The following RORB variants were observed in gnomAD, a reference collection of about 807,000 sequenced individuals.
The protein encoded by RORB is nuclear receptor ROR-beta.
RORB carries 6 observed loss-of-function variants against 59.1 expected under a neutral mutation model. The observed-to-expected ratio is 0.10, with a 90% confidence interval of 0.06 to 0.20. The LOEUF is 0.20. RORB is among the 10% of genes least tolerant of loss of function. The probability of loss-of-function intolerance (pLI) is 1.00; values close to 1 mark genes in which losing one functional copy is unlikely to be tolerated. For synonymous variants in RORB, 215 were observed against 204.5 expected (o/e 1.05, Z -0.44); for missense variants, 320 against 560.5 (o/e 0.57, Z 4.33).
chr9:74,630,498 C>T, intron 2 of RORB, 131 bp downstream of exon 2: 1 of 418,638 alleles, frequency 2.4e-6, no homozygotes, highest in Non-Finnish European at 4.3e-6. Context: ...TTCAGGAATT[C>T]TTGCGTGGTG....
intron 1 of RORB, among the ~76,000 whole-genome samples, chr9:74,550,856 T>G (rs549501392): frequency 6.6e-6 from 1 of 152,322 alleles, no homozygotes; most frequent in African/African-American, 2.4e-5. Flanking sequence ...CCAGTCCAAA[T>G]TGACATGTTC....
chr9:74,530,371 C>T (rs1159043318), intron 1 of RORB, among the ~76,000 whole-genome samples: 1 of 151,996 alleles, frequency 6.6e-6, no homozygotes, highest in East Asian at 1.9e-4. Flanking sequence ...AAAGGTGACA[C>T]TGGTCATGTT....
chr9:74,519,855 C>A (rs1826058439), intron 1 of RORB, among the ~76,000 whole-genome samples: 1 of 151,994 alleles, frequency 6.6e-6, no homozygotes, highest in African/African-American at 2.4e-5. Context: ...ACATGCCTGA[C>A]AAGCTGTGCC....
intron 1 of RORB, among the ~76,000 whole-genome samples, chr9:74,520,972 A>C (rs148130809): frequency 6.6e-6 from 1 of 151,894 alleles, no homozygotes; most frequent in Non-Finnish European, 1.5e-5. Flanking sequence ...AATCATCTTC[A>C]TGTGGCTAAC....
rs1052189641 is a variant in RORB, at chr9:74,667,972, C to T, written c.1111+71C>T. On this transcript the variant is annotated intron_variant, in intron 8 of 9. Coordinates refer to ENST00000376896, the MANE Select transcript of RORB (RefSeq NM_006914.4). ...CTATTTTTAACACTGATGACACCTG[C>T]CTAAGCCAAAGTGTTCAGGAGAAAC... The T allele has an allele frequency of 1.8e-5, 16 of 908,948 alleles. No individual in the cohort carries two copies. In the Admixed American group the frequency reaches 2.6e-4, roughly 15 times the overall value. The allele number at this position is 908,948 out of a possible 1,614,324, so 56.3% of individuals were successfully genotyped here.
intron 1 of RORB, among the ~76,000 whole-genome samples, chr9:74,567,977 A>G (rs1338990646): frequency 6.6e-6 from 1 of 152,214 alleles, no homozygotes; most frequent in African/African-American, 2.4e-5. Flanking sequence ...TAGCAACTCA[A>G]GAGGCTTTAT....
In RORB at chr9:74,642,936, A is replaced by G. The variant is rs1445198420; in HGVS notation, c.637+121A>G. 7.8e-6 allele frequency: 5 copies of G among 639,354 alleles called. No individual in the cohort carries two copies. The Admixed American group carries it at 1.0e-4, about 13-fold the overall frequency. The allele number at this position is 639,354 out of a possible 1,614,324, so 39.6% of individuals were successfully genotyped here. The stretch of plus-strand genomic sequence containing the variant: ...TGAATTACTTGGATTCACAGCTTCT[A>G]CTGAGAAAACAAATTGATTTTTAAA... On this transcript the variant is annotated intron_variant, in intron 4 of 9. Transcript: ENST00000376896.
chr9:74,595,569 T>C (rs1822957749), intron 1 of RORB, among the ~76,000 whole-genome samples: 1 of 152,208 alleles, frequency 6.6e-6, no homozygotes, highest in Non-Finnish European at 1.5e-5. Flanking sequence ...GAGAGCACAG[T>C]GTTTGGCAAG....
At chr9:74,663,879 G>A (rs950608852) in intron 6 of RORB, among the ~76,000 whole-genome samples, 1 of 152,094 alleles carries the variant, frequency 6.6e-6, no homozygotes, top group South Asian at 2.1e-4. Flanking sequence ...GGTTCCAAAA[G>A]CTAGCACCCC....
intron 3 of RORB, 105 bp from the exon 4 acceptor site, chr9:74,642,309 G>T (rs1272725234): frequency 1.0e-5 from 11 of 1,104,316 alleles, no homozygotes; most frequent in Non-Finnish European, 1.3e-5. Flanking sequence ...AGACATTTGT[G>T]CATTTGAAGT....
intron 9 of RORB, among the ~76,000 whole-genome samples, chr9:74,680,114 T>C (rs938780576): frequency 2.0e-5 from 3 of 151,878 alleles, no homozygotes; most frequent in Non-Finnish European, 2.9e-5. Flanking sequence ...AACAAATAAA[T>C]AAATAAGTAC....
chr9:74,499,026 T>C (rs73652811), intron 1 of RORB: 4,006 of 152,558 alleles, frequency 0.026, 199 homozygotes, highest in African/African-American at 0.09. Flanking sequence ...TTCTTCACTC[T>C]TTTACTGAAG....
intron 1 of RORB, among the ~76,000 whole-genome samples, chr9:74,509,925 T>G (rs1454016128): frequency 2.6e-5 from 4 of 152,150 alleles, no homozygotes; most frequent in African/African-American, 9.6e-5. Context: ...TTAACAATAT[T>G]GCAATTTAAT....
At chr9:74,570,326 T>C (rs572177919) in intron 1 of RORB, among the ~76,000 whole-genome samples, 26 of 152,266 alleles carry the variant, frequency 1.7e-4, no homozygotes, top group African/African-American at 6.3e-4. Context: ...TCATCTTTAA[T>C]GTATTTGAAT....
At chr9:74,638,302 T>G (rs1823738361) in intron 3 of RORB, among the ~76,000 whole-genome samples, 1 of 152,218 alleles carries the variant, frequency 6.6e-6, no homozygotes, top group African/African-American at 2.4e-5. Flanking sequence ...TATCCAAAAC[T>G]TCTATTCCAT....
rs1255338955 is a variant in RORB, at chr9:74,687,669, C to G, written c.*2051C>G. The G allele has an allele frequency of 2.0e-5, 3 of 152,166 alleles. No homozygotes were observed. Among genetic ancestry groups the G allele is most frequent in the Non-Finnish European group, 4.4e-5 (3 of 68,016 alleles). The allele number at this position is 152,166 out of a possible 1,614,324, so 9.4% of individuals were successfully genotyped here. On this transcript the variant is annotated 3_prime_UTR_variant, in exon 10 of 10. Transcript: ENST00000376896. Reference sequence around the variant, plus strand: ...ACTGCTTATTATGCTGCTACAGGGACTCAATTCTTTTTGGTGTAAATGTCA... The same window carrying G: ...ACTGCTTATTATGCTGCTACAGGGAGTCAATTCTTTTTGGTGTAAATGTCA...
intron 1 of RORB, among the ~76,000 whole-genome samples, chr9:74,623,441 CTT>C (rs35945048): frequency 6.9e-6 from 1 of 145,456 alleles, no homozygotes; most frequent in African/African-American, 2.5e-5. Flanking sequence ...TTTTCTCTCT[CTT>C]TTTTTTTTTT....
chr9:74,676,761 G>A (rs375140413), intron 9 of RORB, among the ~76,000 whole-genome samples: 9 of 152,316 alleles, frequency 5.9e-5, no homozygotes, highest in South Asian at 2.1e-4. Flanking sequence ...CGTCCCCCGC[G>A]GGGCTCTCTC....
At chr9:74,592,690 G>T (rs918442859) in intron 1 of RORB, among the ~76,000 whole-genome samples, 1 of 152,010 alleles carries the variant, frequency 6.6e-6, no homozygotes, top group Non-Finnish European at 1.5e-5. Context: ...AGAATCACAG[G>T]TACTATCAAA....
Sources: gnomAD v4.1 joint callset for allele counts (sites outside exome capture counted in the v4.1 genomes callset) on GRCh38, gnomAD v4.1.1 for gene constraint, MANE v1.5 for transcripts, NCBI Gene and HGNC (gene_info 2026-07-23, HGNC 2026-07-21) for gene names.